LRRTM4: variants seen among roughly 807,000 people sequenced by gnomAD.
The protein encoded by LRRTM4 is leucine-rich repeat transmembrane neuronal protein 4.
LRRTM4 carries 25 observed loss-of-function variants against 47.6 expected under a neutral mutation model. That is an observed-to-expected ratio of 0.53 (90% confidence interval 0.38 to 0.73). LRRTM4 has a LOEUF of 0.73. Ranked by LOEUF, LRRTM4 falls within the 30% of genes least tolerant of loss-of-function variation. LRRTM4 has a pLI of 0.00. For synonymous variants in LRRTM4, 311 were observed against 269.5 expected (o/e 1.15, Z -1.51); for missense variants, 638 against 713.4 (o/e 0.89, Z 1.20).
At chr2:77,381,076 T>G (rs1465267593) in intron 3 of LRRTM4, among the ~76,000 whole-genome samples, 1 of 152,100 alleles carries the variant, frequency 6.6e-6, no homozygotes, top group African/African-American at 2.4e-5. Context: ...TTTTAGTGAA[T>G]TATCCATATG....
intron 3 of LRRTM4, among the ~76,000 whole-genome samples, chr2:77,513,603 C>A (rs1679100979): frequency 6.6e-6 from 1 of 151,914 alleles, no homozygotes; most frequent in South Asian, 2.1e-4. Context: ...GAGTCTTGTT[C>A]TGTTGCCCAG....
intron 3 of LRRTM4, among the ~76,000 whole-genome samples, chr2:76,916,785 A>G (rs927566583): frequency 1.3e-5 from 2 of 152,224 alleles, no homozygotes; most frequent in Non-Finnish European, 2.9e-5. Context: ...TTATATTTTT[A>G]GAACTATCTT....
At chr2:77,221,287 A>C (rs1674623681) in intron 3 of LRRTM4, among the ~76,000 whole-genome samples, 2 of 152,234 alleles carry the variant, frequency 1.3e-5, no homozygotes, top group Admixed American at 1.3e-4. Context: ...CTAGGAAGAA[A>C]CTGCATCAAC....
intron 3 of LRRTM4, among the ~76,000 whole-genome samples, chr2:76,824,847 G>C (rs1468887919): frequency 6.6e-6 from 1 of 151,560 alleles, no homozygotes; most frequent in Non-Finnish European, 1.5e-5. Context: ...TGAAAGCACA[G>C]GATGGAACTC....
intron 3 of LRRTM4, among the ~76,000 whole-genome samples, chr2:77,177,102 A>C (rs900006797): frequency 3.3e-5 from 5 of 152,166 alleles, no homozygotes; most frequent in Non-Finnish European, 2.9e-5. Context: ...ATAACCACAA[A>C]AATAGCCAAC....
intron 3 of LRRTM4, among the ~76,000 whole-genome samples, chr2:76,976,895 G>A (rs1209879049): frequency 6.6e-6 from 1 of 151,716 alleles, no homozygotes; most frequent in Admixed American, 6.6e-5. Context: ...CTATGCTAAT[G>A]ACCCTAATTT....
intron 3 of LRRTM4, among the ~76,000 whole-genome samples, chr2:76,941,490 G>A (rs1029255345): frequency 1.3e-5 from 2 of 148,198 alleles, no homozygotes; most frequent in East Asian, 4.0e-4. Flanking sequence ...ACAACCCCCA[G>A]TATGTTATGT....
chr2:77,027,018 A>C (rs1678477510), intron 3 of LRRTM4, among the ~76,000 whole-genome samples: 1 of 152,044 alleles, frequency 6.6e-6, no homozygotes, highest in African/African-American at 2.4e-5. Context: ...CTTCCACTAC[A>C]TTGGTCTTTT....
chr2:77,063,731 A>C (rs980745945), intron 3 of LRRTM4, among the ~76,000 whole-genome samples: 1 of 152,216 alleles, frequency 6.6e-6, no homozygotes, highest in Non-Finnish European at 1.5e-5. Flanking sequence ...CAGAGGTTGG[A>C]AACATTCAGT....
intron 3 of LRRTM4, among the ~76,000 whole-genome samples, chr2:76,787,544 AAAAG>A (rs1256425299): frequency 3.9e-5 from 6 of 152,216 alleles, no homozygotes; most frequent in Non-Finnish European, 7.4e-5. Context: ...GGGAAAGGAA[AAAAG>A]AAAGGAAGTT....
intron 3 of LRRTM4, among the ~76,000 whole-genome samples, chr2:76,929,546 T>C (rs1045814857): frequency 1.5e-4 from 23 of 152,332 alleles, no homozygotes; most frequent in African/African-American, 5.5e-4. Flanking sequence ...ACTTCGGTTT[T>C]CTTCTGAAAC....
At chr2:76,791,745 T>G (rs908434883) in intron 3 of LRRTM4, among the ~76,000 whole-genome samples, 3 of 152,226 alleles carry the variant, frequency 2.0e-5, no homozygotes, top group African/African-American at 4.8e-5. Context: ...AGAACTACAT[T>G]CTACAGATAT....
chr2:77,413,389 A>AGCTGTG (rs1388499035), intron 3 of LRRTM4, among the ~76,000 whole-genome samples: 2 of 152,142 alleles, frequency 1.3e-5, no homozygotes, highest in African/African-American at 4.8e-5. Context: ...AATTAGCTGT[A>AGCTGTG]GCAGTCCCAA....
chr2:76,961,306 G>A (rs151337383), intron 3 of LRRTM4, among the ~76,000 whole-genome samples: 2 of 151,206 alleles, frequency 1.3e-5, no homozygotes, highest in African/African-American at 4.8e-5. Flanking sequence ...ATCGTTTTCT[G>A]AGTCTTATAA....
At chr2:76,770,830 A>T (rs2104111648) in intron 3 of LRRTM4, among the ~76,000 whole-genome samples, 1 of 152,246 alleles carries the variant, frequency 6.6e-6, no homozygotes, top group South Asian at 2.1e-4. Context: ...TAAATTTCTA[A>T]TTGTTTCTCG....
intron 3 of LRRTM4, among the ~76,000 whole-genome samples, chr2:77,326,980 G>C (rs1053825570): frequency 3.3e-5 from 5 of 152,054 alleles, no homozygotes; most frequent in Non-Finnish European, 7.4e-5. Flanking sequence ...CTAAACCAGC[G>C]GCTCAGCTGT....
chr2:77,512,487 C>T (rs1679058523), intron 3 of LRRTM4, among the ~76,000 whole-genome samples: 1 of 151,992 alleles, frequency 6.6e-6, no homozygotes, highest in African/African-American at 2.4e-5. Flanking sequence ...AAAATGTATT[C>T]AACATCACTT....
At chr2:77,201,576 G>C (rs539316904) in intron 3 of LRRTM4, among the ~76,000 whole-genome samples, 1 of 152,042 alleles carries the variant, frequency 6.6e-6, no homozygotes, top group African/African-American at 2.4e-5. Context: ...AGAATGCAAA[G>C]AAAGAAGAGA....
chr2:76,907,603 A>C (rs1001266265), intron 3 of LRRTM4, among the ~76,000 whole-genome samples: 1 of 137,282 alleles, frequency 7.3e-6, no homozygotes, highest in African/African-American at 2.8e-5. Context: ...TAGCAAGACT[A>C]ATAAAGAAAA....
Sources: allele counts gnomAD v4.1 joint callset (sites outside exome capture counted in the v4.1 genomes callset), GRCh38; gene constraint gnomAD v4.1.1; transcripts MANE v1.5; gene names NCBI Gene and HGNC (gene_info 2026-07-23, HGNC 2026-07-21).